GPC3: variants seen among roughly 807,000 people sequenced by gnomAD.
The protein encoded by GPC3 is glypican 3.
A neutral mutation model predicts 34.4 loss-of-function variants in GPC3; 3 were observed. The observed-to-expected ratio is 0.09, with a 90% CI of 0.04 to 0.23. The LOEUF (loss-of-function observed/expected upper bound fraction) is 0.23, where lower values mean the gene tolerates loss of function less well. GPC3 is among the 10% of genes least tolerant of loss of function. The probability of loss-of-function intolerance (pLI) is 1.00; values close to 1 mark genes in which losing one functional copy is unlikely to be tolerated. For synonymous variants in GPC3, 177 were observed against 174.0 expected (o/e 1.02, Z -0.13); for missense variants, 351 against 445.6 (o/e 0.79, Z 1.91).
intron 2 of GPC3, among the ~76,000 whole-genome samples, chrX:133,799,208 A>G (rs1003022546): frequency 6.3e-5 from 7 of 111,654 alleles, no homozygotes; most frequent in Admixed American, 9.5e-5. Flanking sequence ...CCTGGGCAAC[A>G]TGGTAAAACA....
intron 5 of GPC3, among the ~76,000 whole-genome samples, chrX:133,687,688 A>G (rs930294329): frequency 1.3e-4 from 14 of 111,166 alleles, no homozygotes; most frequent in Admixed American, 2.9e-4. Context: ...GGCCTCCCAG[A>G]GTGCTGGGAT....
At chrX:133,922,679 C>T (rs144140401) in intron 2 of GPC3, among the ~76,000 whole-genome samples, 1,884 of 109,792 alleles carry the variant, frequency 0.017, 44 homozygotes, top group African/African-American at 0.059. Flanking sequence ...CCTTGCCCCC[C>T]GCCCCCAGAA....
At chrX:133,917,870 G>T (rs2076231774) in intron 2 of GPC3, among the ~76,000 whole-genome samples, 1 of 111,589 alleles carries the variant, frequency 9.0e-6, no homozygotes, top group South Asian at 3.8e-4. Context: ...ATAACCAGCT[G>T]CTCTATCCCT....
In GPC3 at chrX:133,543,005, G is replaced by A. The variant is rs191114939; in HGVS notation, c.1574-6712C>T. 4.7e-3 allele frequency among the ~76,000 whole-genome samples: 524 copies of A among 112,167 alleles called. 3 individuals are homozygous for A. Among genetic ancestry groups the A allele is most frequent in the Non-Finnish European group, 6.3e-3 (335 of 53,261 alleles). ...AAATGACTTTTCAAATGACCCTTGG[G>A]TCTCTGGGAGTCTAGATTTTCTTCT... is the stretch of plus-strand genomic sequence containing the variant. On this transcript the variant is annotated intron_variant, in intron 7 of 7. Transcript: ENST00000370818.
At chrX:133,818,997 TTTATTA>T (rs1176828821) in intron 2 of GPC3, among the ~76,000 whole-genome samples, 1 of 109,628 alleles carries the variant, frequency 9.1e-6, no homozygotes, top group Non-Finnish European at 1.9e-5. Context: ...TTTTTTTAAT[TTTATTA>T]TTATTATACT....
At chrX:133,791,936 A>C (rs1259341352) in intron 2 of GPC3, among the ~76,000 whole-genome samples, 2 of 99,032 alleles carry the variant, frequency 2.0e-5, no homozygotes. Context: ...GCTGGAATGC[A>C]GTGGCACAAT....
intron 5 of GPC3, among the ~76,000 whole-genome samples, chrX:133,676,387 C>G (rs1160375632): frequency 8.9e-6 from 1 of 112,488 alleles, no homozygotes; most frequent in African/African-American, 3.2e-5. Flanking sequence ...GACACTGGCA[C>G]AGGGGAAAGA....
At chrX:133,676,482 A>G (rs1287796505) in intron 5 of GPC3, among the ~76,000 whole-genome samples, 1 of 112,290 alleles carries the variant, frequency 8.9e-6, no homozygotes, top group African/African-American at 3.2e-5. Context: ...AGTTGCCAGC[A>G]ATAACATAAC....
At chrX:133,982,598 T>C (rs1292218228) in intron 1 of GPC3, among the ~76,000 whole-genome samples, 1 of 112,240 alleles carries the variant, frequency 8.9e-6, no homozygotes, top group Non-Finnish European at 1.9e-5. Context: ...ATGTACCTTA[T>C]TCAGGCTAAC....
At chrX:133,622,295 G>T (rs1202100791) in intron 6 of GPC3, among the ~76,000 whole-genome samples, 1 of 112,298 alleles carries the variant, frequency 8.9e-6, no homozygotes, top group Non-Finnish European at 1.9e-5. Flanking sequence ...AACAAAGCTG[G>T]AAGGAGAATG....
At chrX:133,829,369 T>C (rs2075764874) in intron 2 of GPC3, among the ~76,000 whole-genome samples, 1 of 112,220 alleles carries the variant, frequency 8.9e-6, no homozygotes, top group Admixed American at 9.5e-5. Context: ...ACAGTAATAG[T>C]TGGAGACTTC....
chrX:133,788,409 T>C (rs1317730338), intron 2 of GPC3, among the ~76,000 whole-genome samples: 2 of 109,282 alleles, frequency 1.8e-5, no homozygotes, highest in Admixed American at 2.0e-4. Flanking sequence ...TTATGAATTC[T>C]CCAATGATCT....
At chrX:133,542,873 C>G (rs369521216) in intron 7 of GPC3, among the ~76,000 whole-genome samples, 1 of 111,842 alleles carries the variant, frequency 8.9e-6, no homozygotes, top group Non-Finnish European at 1.9e-5. Context: ...CAAAACAGAC[C>G]CTGGTTTCCT....
chrX:133,886,090 C>A (rs1038903675), intron 2 of GPC3, among the ~76,000 whole-genome samples: 5 of 111,521 alleles, frequency 4.5e-5, no homozygotes, highest in Admixed American at 2.9e-4. Flanking sequence ...TTTATTCAAT[C>A]TTCATTCAAT....
At chrX:133,822,779 G>GC (rs2075725632) in intron 2 of GPC3, among the ~76,000 whole-genome samples, 1 of 110,837 alleles carries the variant, frequency 9.0e-6, no homozygotes, top group African/African-American at 3.3e-5. Flanking sequence ...AAGACCCAGA[G>GC]CCTCATAACA....
At chrX:133,651,301 C>G (rs1374619801) in intron 6 of GPC3, among the ~76,000 whole-genome samples, 1 of 110,072 alleles carries the variant, frequency 9.1e-6, no homozygotes, top group East Asian at 2.9e-4. Context: ...TTCCATGTCT[C>G]TCCCTCTCCC....
chrX:133,540,484 T>C (rs1055813791), intron 7 of GPC3, among the ~76,000 whole-genome samples: 1 of 112,012 alleles, frequency 8.9e-6, no homozygotes, highest in African/African-American at 3.2e-5. Flanking sequence ...TTTTCACTTA[T>C]AAGTGGGAAC....
intron 4 of GPC3, among the ~76,000 whole-genome samples, chrX:133,699,025 G>T (rs2071141078): frequency 8.9e-6 from 1 of 112,124 alleles, no homozygotes; most frequent in African/African-American, 3.2e-5. Context: ...AAGAAGCTCT[G>T]CCTGACCATC....
At chrX:133,591,649 G>A (rs1005551456) in intron 7 of GPC3, among the ~76,000 whole-genome samples, 1 of 111,783 alleles carries the variant, frequency 8.9e-6, no homozygotes, top group Non-Finnish European at 1.9e-5. Flanking sequence ...TCTTTTACAC[G>A]ATAAATGTGT....
Sources: allele counts gnomAD v4.1 joint callset (sites outside exome capture counted in the v4.1 genomes callset), GRCh38; gene constraint gnomAD v4.1.1; transcripts MANE v1.5; gene names NCBI Gene and HGNC (gene_info 2026-07-23, HGNC 2026-07-21).